The following RTBDN variants were observed in gnomAD, a reference collection of about 807,000 sequenced individuals.
RTBDN encodes retbindin.
Under a neutral mutation model 21.9 loss-of-function variants are expected in RTBDN, and 24 were observed. The observed-to-expected ratio is 1.10, with a 90% confidence interval of 0.79 to 1.54. The LOEUF (loss-of-function observed/expected upper bound fraction) is 1.54. Among genes scored for constraint, RTBDN ranks in the 40% most tolerant of loss-of-function variants. The probability of loss-of-function intolerance (pLI) is 0.00; values close to 1 mark genes in which losing one functional copy is unlikely to be tolerated. For missense variants in RTBDN, 325 were observed against 315.2 expected (o/e 1.03, Z -0.23); for synonymous variants, 141 against 125.9 (o/e 1.12, Z -0.80).
rs1377155817 is a variant in RTBDN at position 12,830,358 on chromosome 19, G to C, written c.-18-361C>G. 9.9e-7 allele frequency: 1 copy of C among 1,012,576 alleles called. No individual in the cohort carries two copies. Among genetic ancestry groups the C allele is most frequent in the African/African-American group, 1.7e-5 (1 of 58,306 alleles). 62.7% of individuals were successfully genotyped at this position (1,012,576 alleles called of 1,614,324 possible). A position where few individuals can be genotyped will look rare whatever the true frequency, so the allele number is the denominator to read the frequency against. ...CTAGGTCTTCCAATCCCCCTCTCCT[G>C]TTCAGTAATTCCTCCCTCTCTTCTA... On this transcript the variant is annotated intron_variant, in intron 1 of 5. Coordinates refer to ENST00000674343, the MANE Select transcript of RTBDN (RefSeq NM_001270441.2). The surrounding 1 kb of genome is among the most constrained non-coding windows in gnomAD (Gnocchi z 4.2).
upstream of RTBDN, chr19:12,835,046 A>G: frequency 6.2e-7 from 1 of 1,608,866 alleles, no homozygotes. Flanking sequence ...CTCCATCCCC[A>G]GCCTGAATCT....
Position 12,830,835 on chromosome 19 carries a change from G to T in RTBDN, c.-18-838C>A, listed in dbSNP as rs1007865438. On this transcript the variant is annotated intron_variant, in intron 1 of 5. Coordinates refer to ENST00000674343, the MANE Select transcript of RTBDN (RefSeq NM_001270441.2). This position sits in a 1 kb window ranked among gnomAD's most constrained non-coding sequence, Gnocchi z 4.2. ...CTTAAGCTCTGTATCTATATATGTG[G>T]GGAGTGTGTGTGTGTGTGTGTGTGT... Among the ~76,000 whole-genome samples, 1 of 134,618 alleles carries T rather than the reference G, an allele frequency of 7.4e-6. No homozygotes were observed. The allele number at this position is 134,618 out of a possible 152,430, so 88.3% of individuals were successfully genotyped here.
chr19:12,829,172 A>C (rs750185138), intron 2 of RTBDN: 2 of 737,138 alleles, frequency 2.7e-6, no homozygotes, highest in Non-Finnish European at 4.2e-6. Flanking sequence ...CCTGGTAGTG[A>C]CACATATACT....
At position 12,825,488 on chromosome 19, in the gene RTBDN, A is replaced by G; in HGVS notation, c.*218T>C. On this transcript the variant is annotated 3_prime_UTR_variant, in exon 6 of 6. Coordinates refer to ENST00000674343, the MANE Select transcript of RTBDN (RefSeq NM_001270441.2). ...AGCAGCCACACTCGTCACGTGCTCT[A>G]GCTGGCGACTTTATTCAAAGGGGAG... 1.5e-6 allele frequency: 1 copy of G among 683,052 alleles called. No individual in the cohort carries two copies. The highest frequency in any genetic ancestry group is 2.0e-5 in the South Asian group (1 of 48,834). 42.3% of individuals were successfully genotyped at this position (683,052 alleles called of 1,614,324 possible).
In RTBDN at chr19:12,834,388, G is replaced by C. The variant is rs1969685111; in HGVS notation, c.-19+101C>G. ...AGGGCTCATGCCCCTCGGGGCCATC[G>C]GCGCCGCTGGAGGCGTAAACATGTT... On this transcript the variant is annotated intron_variant, in intron 1 of 5. Coordinates refer to ENST00000674343, the MANE Select transcript of RTBDN (RefSeq NM_001270441.2). This position sits in a 1 kb window ranked among gnomAD's most constrained non-coding sequence, Gnocchi z 4.7. 1.1e-6 allele frequency: 1 copy of C among 899,598 alleles called. No individual in the cohort carries two copies. The highest frequency in any genetic ancestry group is 1.7e-5 in the African/African-American group (1 of 60,428). The allele number at this position is 899,598 out of a possible 1,614,324, so 55.7% of individuals were successfully genotyped here.
At position 12,828,696 on chromosome 19, in the gene RTBDN, C is replaced by T; in HGVS notation, c.326G>A (p.Arg109His). ...CTCCTCGCAGAGCGGCTGTGCCTGG[C>T]GTACCCCCAATAGCCGCAGGCGGAA... The part of the protein sequence containing the change: ...SRFRLRLLGV[R>H]QAQPLCEELC... The change falls in exon 4 of 6, where the codon CGC becomes CAC. Residue 109 changes from arginine (R) to histidine (H), a missense_variant. Coordinates refer to ENST00000674343, the MANE Select transcript of RTBDN (RefSeq NM_001270441.2). 1.2e-6 allele frequency: 2 copies of T among 1,614,170 alleles called. No individual in the cohort carries two copies. Among genetic ancestry groups the T allele is most frequent in the South Asian group, 1.1e-5 (1 of 91,084 alleles).
Position 12,825,808 on chromosome 19 carries a change from T to C in RTBDN, c.588A>G (p.Arg196=). 6.2e-7 allele frequency: 1 copy of C among 1,612,286 alleles called. No homozygotes were observed. The highest frequency in any genetic ancestry group is 8.5e-7 in the Non-Finnish European group (1 of 1,179,018). ...GCCGGGAGGGAGCTTCCCGGCCCCG[T>C]CGTCCTGGTCTGGGACGAGGTACCG... The part of the protein sequence containing the change: ...ISAVPRPRPG[R]RGREAPSRRS... The change falls in exon 6 of 6, where the codon CGA becomes CGG. Residue 196 remains arginine, a synonymous_variant. Coordinates refer to ENST00000674343, the MANE Select transcript of RTBDN (RefSeq NM_001270441.2).
At position 12,826,577 on chromosome 19, in the gene RTBDN, C is replaced by T. The variant is rs571065701; in HGVS notation, c.462+198G>A. On this transcript the variant is annotated intron_variant, in intron 5 of 5. Transcript: ENST00000674343. ...GGCATGGTGGCATGCGCCTGAAATC[C>T]CAGCTATTCGGGAGGTTGCGGCAGG... The T allele has an allele frequency of 8.5e-6, 6 of 709,028 alleles. No homozygotes were observed. The East Asian group carries it at 1.8e-4, about 22-fold the overall frequency. The allele number at this position is 709,028 out of a possible 1,614,324, so 43.9% of individuals were successfully genotyped here. A position where few individuals can be genotyped will look rare whatever the true frequency, so the allele number is the denominator to read the frequency against.
chr19:12,828,411 GAAAGA>G (rs376641365), intron 4 of RTBDN, among the ~76,000 whole-genome samples: 46 of 152,094 alleles, frequency 3.0e-4, no homozygotes, highest in African/African-American at 8.4e-4. Flanking sequence ...AAAAAAGAAA[GAAAGA>G]AAAGAAAAGA....
rs750558214 is a variant in RTBDN, at chr19:12,825,609, T to C, written c.*97A>G. On this transcript the variant is annotated 3_prime_UTR_variant, in exon 6 of 6. Coordinates refer to ENST00000674343, the MANE Select transcript of RTBDN (RefSeq NM_001270441.2). ...AGGAGGGACAGACATCTCAAAACTA[T>C]TACAGAAGGCCGAGAGGACGAGGGG... The C allele has an allele frequency of 5.5e-6, 8 of 1,465,956 alleles. No homozygotes were observed. The highest frequency in any genetic ancestry group is 7.2e-6 in the Non-Finnish European group (8 of 1,108,332). 90.8% of individuals were successfully genotyped at this position (1,465,956 alleles called of 1,614,324 possible).
At chr19:12,826,082 G>T (rs1476761066) in intron 5 of RTBDN, 149 bp from the exon 6 acceptor site, 2 of 1,412,506 alleles carry the variant, frequency 1.4e-6, no homozygotes, top group African/African-American at 1.5e-5. Context: ...GAACGTGAGT[G>T]GGGGCAGGTC....
upstream of RTBDN, chr19:12,835,276 C>A: frequency 1.6e-6 from 1 of 642,614 alleles, no homozygotes; most frequent in South Asian, 1.8e-5. Context: ...ATGGCCCGAT[C>A]TCCGGAGCCT....
rs986458978 is a variant in RTBDN at position 12,827,369 on chromosome 19, C to G, written c.366-498G>C. 2.8e-5 allele frequency among the ~76,000 whole-genome samples: 4 copies of G among 143,572 alleles called. No individual in the cohort carries two copies. In the East Asian group the frequency reaches 8.3e-4, roughly 30 times the overall value. The allele number at this position is 143,572 out of a possible 152,430, so 94.2% of individuals were successfully genotyped here. On this transcript the variant is annotated intron_variant, in intron 4 of 5. Coordinates refer to ENST00000674343, the MANE Select transcript of RTBDN (RefSeq NM_001270441.2). ...ATGGAGTCCTGCTCTGTTACCCAGGCTGGAGTGCAGTGGCCCAATCTCTGC... is the reference window on the plus strand; with the variant it reads ...ATGGAGTCCTGCTCTGTTACCCAGGGTGGAGTGCAGTGGCCCAATCTCTGC...
intron 4 of RTBDN, among the ~76,000 whole-genome samples, chr19:12,827,129 C>T (rs1217604982): frequency 1.3e-5 from 2 of 151,842 alleles, no homozygotes; most frequent in Non-Finnish European, 2.9e-5. Flanking sequence ...CAGGCCAGTC[C>T]CTCATATTTT....
chr19:12,828,794 AT>A, intron 3 of RTBDN, 27 bp from the exon 4 acceptor site: 2 of 1,613,702 alleles, frequency 1.2e-6, no homozygotes, highest in South Asian at 2.2e-5. Context: ...ATAGGGTCGG[AT>A]GGGTCAGGAC....
At chr19:12,826,930 C>A in intron 4 of RTBDN, 59 bp from the exon 5 acceptor site, 1 of 1,222,890 alleles carries the variant, frequency 8.2e-7, no homozygotes. Flanking sequence ...CAGCGCGATT[C>A]TGGCTCTTCT....
chr19:12,833,375 G>A (rs1969645749), intron 1 of RTBDN, among the ~76,000 whole-genome samples: 1 of 151,958 alleles, frequency 6.6e-6, no homozygotes, highest in Admixed American at 6.6e-5. Flanking sequence ...TTACTCCTGG[G>A]ATCTTTCTCT....
chr19:12,826,044 G>A, intron 5 of RTBDN, 111 bp from the exon 6 acceptor site: 1 of 1,431,312 alleles, frequency 7.0e-7, no homozygotes, highest in Non-Finnish European at 9.2e-7. Flanking sequence ...GTCAGAGCCG[G>A]AGCGTGCGGC....
Position 12,828,837 on chromosome 19 carries a change from C to A in RTBDN, c.254+32G>T, listed in dbSNP as rs375513279. ...GAGTTCCTGGGCAATGGGCAAAGTACGCGAGAAAACGGTGGAGGGTGCTGT... is the reference window on the plus strand; with the variant it reads ...GAGTTCCTGGGCAATGGGCAAAGTAAGCGAGAAAACGGTGGAGGGTGCTGT... On this transcript the variant is annotated intron_variant, in intron 3 of 5. Transcript: ENST00000674343. 4 of 1,613,962 alleles carry A rather than the reference C, an allele frequency of 2.5e-6. No individual in the cohort carries two copies. In the African/African-American group the frequency reaches 4.0e-5, roughly 16 times the overall value.
Sources: gnomAD v4.1 joint callset for allele counts (sites outside exome capture counted in the v4.1 genomes callset) on GRCh38, gnomAD v4.1.1 for gene constraint, Gnocchi (gnomAD v3.1) non-coding constraint, MANE v1.5 for transcripts, NCBI Gene and HGNC (gene_info 2026-07-23, HGNC 2026-07-21) for gene names.